The following ZNF782 variants were observed in gnomAD, a reference collection of about 807,000 sequenced individuals.
ZNF782 encodes zinc finger protein 782.
ZNF782 carries 12 observed loss-of-function variants against 13.0 expected under a neutral mutation model. The observed-to-expected ratio is 0.92, with a 90% CI of 0.59 to 1.50. The LOEUF (loss-of-function observed/expected upper bound fraction) is 1.50. Ranked by LOEUF, ZNF782 falls within the 40% of genes most tolerant of loss-of-function variation. The pLI, the probability that ZNF782 is intolerant of heterozygous loss-of-function variation, is 0.00. For synonymous variants in ZNF782, 284 were observed against 283.0 expected (o/e 1.00, Z -0.04); for missense variants, 770 against 822.9 (o/e 0.94, Z 0.79).
chr9:96,858,209 A>G (rs1399550547), upstream of ZNF782, among the ~76,000 whole-genome samples: 1 of 152,228 alleles, frequency 6.6e-6, no homozygotes, highest in African/African-American at 2.4e-5. This position sits in a 1 kb window ranked among gnomAD's most constrained non-coding sequence, Gnocchi z 4.4. Context: ...CTTGACATAC[A>G]GAATAGCCAC....
At chr9:96,872,763 C>T (rs1480281781) in intron 1 of ZNF782, among the ~76,000 whole-genome samples, 2 of 152,154 alleles carry the variant, frequency 1.3e-5, no homozygotes, top group African/African-American at 4.8e-5. Context: ...CACTTAAAAT[C>T]ACTCTCTGGC....
At chr9:96,931,967 G>C in the ZNF782 span, 24 of 1,611,680 alleles carry the variant, frequency 1.5e-5, no homozygotes. Flanking sequence ...GATGAGGACA[G>C]AAGTGGGGCC....
intron 1 of ZNF782, among the ~76,000 whole-genome samples, chr9:96,866,534 G>A (rs1463633178): frequency 6.6e-6 from 1 of 152,360 alleles, no homozygotes; most frequent in East Asian, 1.9e-4. Flanking sequence ...GAGAACCTCT[G>A]CTAGGGCAGT....
At position 96,817,928 on chromosome 9, in the gene ZNF782, C is replaced by T. The variant is rs1352195153; in HGVS notation, c.2095G>A (p.Asp699Asn). ...LREHQKAHPG[D>N] is the part of the protein sequence containing the mutation. ...TATTCTTTATATGCATACATTTAATCCCCTGGGTGGGCTTTCTGATGTTCT... is the reference window on the plus strand; with the variant it reads ...TATTCTTTATATGCATACATTTAATTCCCTGGGTGGGCTTTCTGATGTTCT... Residue 699 changes from aspartate to asparagine, a missense_variant, in exon 6 of 6, where the codon GAT becomes AAT. Physicochemically the swap from Asp to Asn is conservative, Grantham distance 23 (BLOSUM62 1). Coordinates refer to ENST00000481138, the MANE Select transcript of ZNF782 (RefSeq NM_001001662.3). 6.4e-7 allele frequency: 1 copy of T among 1,556,042 alleles called. No individual in the cohort carries two copies. The highest frequency in any genetic ancestry group is 2.1e-5 in the Admixed American group (1 of 48,150).
intron 2 of ZNF782, 121 bp from the exon 3 acceptor site, chr9:96,852,126 G>T: frequency 1.6e-6 from 1 of 637,650 alleles, no homozygotes; most frequent in Non-Finnish European, 2.7e-6. Context: ...GGGCCCTTCA[G>T]GCCTTGAAAA....
chr9:96,874,650 C>T (rs575907467), intron 1 of ZNF782, among the ~76,000 whole-genome samples: 1 of 152,200 alleles, frequency 6.6e-6, no homozygotes, highest in East Asian at 1.9e-4. Context: ...GGCTATGCTC[C>T]GTCCTGTCTG....
At chr9:96,911,552 G>C in the ZNF782 span, among the ~76,000 whole-genome samples, 2 of 122,824 alleles carry the variant, frequency 1.6e-5, no homozygotes, top group African/African-American at 3.2e-5. Flanking sequence ...AGTTAGTCTC[G>C]CTCTTTCTCC....
the ZNF782 span, among the ~76,000 whole-genome samples, chr9:96,898,439 A>G: frequency 2.7e-5 from 4 of 148,584 alleles, no homozygotes; most frequent in African/African-American, 1.0e-4. Context: ...TTCACTTGTC[A>G]TAATGTTTTC....
chr9:96,877,373 C>G (rs1289426904), upstream of ZNF782, among the ~76,000 whole-genome samples: 2 of 152,218 alleles, frequency 1.3e-5, no homozygotes, highest in Non-Finnish European at 2.9e-5. Context: ...GACGTAGAGG[C>G]CCTGACCTCT....
rs139528165 is a variant in ZNF782, at chr9:96,842,005, A to C, written c.142+2885T>G. ...TCCCTAGAAAGTTCAGCAAGATCTC[A>C]GCATAAAAGAACAAACATACAAAAA... On this transcript the variant is annotated intron_variant, in intron 4 of 5. Transcript: ENST00000481138. 2.9e-3 allele frequency among the ~76,000 whole-genome samples: 442 copies of C among 152,146 alleles called. 2 individuals carry two copies. Among genetic ancestry groups the C allele is most frequent in the African/African-American group, 0.01 (417 of 41,578 alleles).
At chr9:96,870,185 A>G (rs1413474438) in intron 1 of ZNF782, among the ~76,000 whole-genome samples, 2 of 152,192 alleles carry the variant, frequency 1.3e-5, no homozygotes, top group African/African-American at 4.8e-5. Context: ...CTTATCATCA[A>G]TGGTGATTGT....
chr9:96,930,225 G>A, the ZNF782 span, among the ~76,000 whole-genome samples: 2 of 151,802 alleles, frequency 1.3e-5, no homozygotes, highest in African/African-American at 2.4e-5. Flanking sequence ...AACATGACTA[G>A]CAGCTGTGAA....
chr9:96,878,909 C>T (rs1481469599), upstream of ZNF782, among the ~76,000 whole-genome samples: 4 of 152,186 alleles, frequency 2.6e-5, no homozygotes, highest in Admixed American at 1.3e-4. Flanking sequence ...CTCACATCCA[C>T]TCCAACACCA....
chr9:96,833,831 A>G (rs1470975516), intron 4 of ZNF782, among the ~76,000 whole-genome samples: 1 of 152,152 alleles, frequency 6.6e-6, no homozygotes, highest in Non-Finnish European at 1.5e-5. Flanking sequence ...TCAATTATTT[A>G]TATCAATATG....
At chr9:96,871,995 A>T (rs1289355984) in intron 1 of ZNF782, among the ~76,000 whole-genome samples, 2 of 152,200 alleles carry the variant, frequency 1.3e-5, no homozygotes, top group Non-Finnish European at 2.9e-5. Context: ...ACTGGACCTT[A>T]ATAGTAGTAG....
intron 1 of ZNF782, among the ~76,000 whole-genome samples, chr9:96,868,509 TC>T (rs1269421034): frequency 6.6e-6 from 1 of 152,246 alleles, no homozygotes; most frequent in Non-Finnish European, 1.5e-5. Flanking sequence ...AAGGGTTTTC[TC>T]CCTTGAATCC....
At chr9:96,849,031 A>G (rs1851418086) in intron 3 of ZNF782, among the ~76,000 whole-genome samples, 1 of 152,176 alleles carries the variant, frequency 6.6e-6, no homozygotes, top group Admixed American at 6.5e-5. Flanking sequence ...AAATATGTAC[A>G]GTCAACAACT....
chr9:96,839,660 ACCC>A (rs143194632), intron 4 of ZNF782, among the ~76,000 whole-genome samples: 1 of 149,460 alleles, frequency 6.7e-6, no homozygotes, highest in South Asian at 2.1e-4. Context: ...CTAATCACTC[ACCC>A]CCCCCACCTG....
chr9:96,917,384 A>AGT, the ZNF782 span, among the ~76,000 whole-genome samples: 1 of 151,816 alleles, frequency 6.6e-6, no homozygotes, highest in African/African-American at 2.4e-5. Flanking sequence ...GAAGCTACAT[A>AGT]AATAACTAAC....
Sources: gnomAD v4.1 joint callset for allele counts (sites outside exome capture counted in the v4.1 genomes callset) on GRCh38, gnomAD v4.1.1 for gene constraint, Gnocchi (gnomAD v3.1) non-coding constraint, MANE v1.5 for transcripts, NCBI Gene and HGNC (gene_info 2026-07-23, HGNC 2026-07-21) for gene names.